Variants in ANKRD36 observed in about 807,000 individuals in gnomAD.
ANKRD36 encodes ankyrin repeat domain-containing protein 36A.
A neutral mutation model predicts 278.1 loss-of-function variants in ANKRD36; 179 were observed. The ratio of observed to expected loss-of-function variants is 0.64; its 90% CI spans 0.57 to 0.73. ANKRD36 has a LOEUF of 0.73. Among genes scored for constraint, ANKRD36 ranks in the 30% least tolerant of loss-of-function variants. The pLI is 0.00. For missense variants in ANKRD36, 1,159 were observed against 1,956.7 expected (o/e 0.59, Z 7.69); for synonymous variants, 320 against 641.1 (o/e 0.50, Z 7.57).
chr2:97,192,916 G>C, intron 37 of ANKRD36, 30 bp downstream of exon 37: 2 of 1,601,460 alleles, frequency 1.2e-6, no homozygotes, highest in Non-Finnish European at 1.7e-6. Flanking sequence ...TATTGTGAAT[G>C]AGTTAAGGTA....
At chr2:97,232,011 C>T (rs1291364422) in intron 67 of ANKRD36, among the ~76,000 whole-genome samples, 1 of 151,864 alleles carries the variant, frequency 6.6e-6, no homozygotes, top group Non-Finnish European at 1.5e-5. Context: ...TTAGTCCAAA[C>T]AAACAGTGAC....
rs565099968 is a variant in ANKRD36, at chr2:97,175,574, A to G, written c.1634-4164A>G. ...ATTTTGTTGATCCTTTCAAAAAACC[A>G]GCTCCTGGATTCATTAATTTTTTGA... On this transcript the variant is annotated intron_variant, in intron 22 of 75. Transcript: ENST00000420699. Among the ~76,000 whole-genome samples, 28 of 151,936 alleles carry G rather than the reference A, an allele frequency of 1.8e-4. No homozygotes were observed. The Middle Eastern group carries it at 0.014, about 74-fold the overall frequency.
chr2:97,174,027 T>G (rs1257973936), intron 22 of ANKRD36, among the ~76,000 whole-genome samples: 1 of 151,440 alleles, frequency 6.6e-6, no homozygotes, highest in Non-Finnish European at 1.5e-5. Context: ...CCAATAATCA[T>G]GACAATCATG....
At chr2:97,181,253 A>G (rs548915402) in intron 24 of ANKRD36, among the ~76,000 whole-genome samples, 27 of 151,788 alleles carry the variant, frequency 1.8e-4, no homozygotes, top group African/African-American at 5.5e-4. Context: ...GAGGGATCAT[A>G]TACCACCTGC....
chr2:97,197,532 C>G (rs1455005291), intron 42 of ANKRD36, among the ~76,000 whole-genome samples: 1 of 151,970 alleles, frequency 6.6e-6, no homozygotes, highest in Non-Finnish European at 1.5e-5. Context: ...CATTAGTTTC[C>G]TTGTTCAAGG....
chr2:97,149,795 C>T (rs1351264581), intron 12 of ANKRD36, among the ~76,000 whole-genome samples: 1 of 151,680 alleles, frequency 6.6e-6, no homozygotes, highest in African/African-American at 2.4e-5. Flanking sequence ...CACTCTGTTA[C>T]ACATAGCATA....
At chr2:97,195,878 G>T (rs2059615891) in intron 40 of ANKRD36, among the ~76,000 whole-genome samples, 1 of 151,910 alleles carries the variant, frequency 6.6e-6, no homozygotes, top group Admixed American at 6.6e-5. Context: ...GTAGAAATAT[G>T]TCAAAATTGA....
intron 40 of ANKRD36, among the ~76,000 whole-genome samples, chr2:97,196,202 C>G (rs1354594058): frequency 6.6e-6 from 1 of 151,964 alleles, no homozygotes; most frequent in East Asian, 1.9e-4. Context: ...GGTGTAAATC[C>G]TTTTGATTTG....
chr2:97,187,797 G>T (rs1194449408), intron 32 of ANKRD36, among the ~76,000 whole-genome samples: 1 of 151,752 alleles, frequency 6.6e-6, no homozygotes, highest in Non-Finnish European at 1.5e-5. Flanking sequence ...AAAACTGATA[G>T]TAATAACCCA....
intron 67 of ANKRD36, among the ~76,000 whole-genome samples, chr2:97,228,257 A>T (rs1455279569): frequency 5.9e-5 from 9 of 152,062 alleles, no homozygotes; most frequent in Non-Finnish European, 1.0e-4. Flanking sequence ...CTGTGAATCC[A>T]TCTGGTCCTG....
intron 46 of ANKRD36, among the ~76,000 whole-genome samples, chr2:97,201,197 C>G (rs1305095644): frequency 2.0e-5 from 3 of 151,888 alleles, no homozygotes; most frequent in Non-Finnish European, 2.9e-5. Flanking sequence ...TACTACTAGG[C>G]ATCAGAGATA....
chr2:97,148,359 A>G (rs2044886892), intron 11 of ANKRD36, among the ~76,000 whole-genome samples: 1 of 152,424 alleles, frequency 6.6e-6, no homozygotes, highest in South Asian at 2.1e-4. Context: ...CTTTTGAGAA[A>G]TCTGGGCTTT....
chr2:97,151,322 TTCTG>T (rs2045914696), intron 12 of ANKRD36, among the ~76,000 whole-genome samples: 1 of 151,898 alleles, frequency 6.6e-6, no homozygotes, highest in Admixed American at 6.6e-5. Flanking sequence ...GATTGCTTTT[TTCTG>T]TCTTTTTTGG....
chr2:97,147,754 G>A (rs376165841), intron 11 of ANKRD36, among the ~76,000 whole-genome samples: 6 of 151,950 alleles, frequency 3.9e-5, no homozygotes, highest in East Asian at 3.9e-4. Flanking sequence ...TTTGCAGGGG[G>A]CAGCCAAATT....
intron 34 of ANKRD36, among the ~76,000 whole-genome samples, chr2:97,190,665 C>G (rs2058328494): frequency 6.6e-6 from 1 of 151,374 alleles, no homozygotes; most frequent in Non-Finnish European, 1.5e-5. Flanking sequence ...ATGAGTTGCT[C>G]CTCTGATTTT....
At chr2:97,139,209 G>T (rs2042254069) in intron 6 of ANKRD36, among the ~76,000 whole-genome samples, 1 of 151,960 alleles carries the variant, frequency 6.6e-6, no homozygotes, top group African/African-American at 2.4e-5. Context: ...TAGCCTTTAA[G>T]ACAGTCATTC....
Position 97,184,686 on chromosome 2 carries a change from A to T in ANKRD36, c.1940-630A>T, listed in dbSNP as rs562063725. The stretch of plus-strand genomic sequence containing the variant: ...CTGCCATTAGTGGATGAAGAAAATT[A>T]CTGAAGGCTAAACTAGAGGATACAA... On this transcript the variant is annotated intron_variant, in intron 28 of 75. Transcript: ENST00000420699. Among the ~76,000 whole-genome samples the T allele has an allele frequency of 2.3e-3, 355 of 151,858 alleles. 5 individuals carry two copies. The highest frequency in any genetic ancestry group is 8.2e-3 in the African/African-American group (340 of 41,452).
intron 22 of ANKRD36, among the ~76,000 whole-genome samples, chr2:97,172,831 A>ATGTGTGTGTG (rs368506104): frequency 6.8e-6 from 1 of 146,392 alleles, no homozygotes; most frequent in Non-Finnish European, 1.5e-5. Flanking sequence ...TTGTGTGTGA[A>ATGTGTGTGTG]TGTGTGTGTG....
chr2:97,197,603 C>G (rs865980056), intron 42 of ANKRD36, among the ~76,000 whole-genome samples: 2 of 151,876 alleles, frequency 1.3e-5, no homozygotes, highest in Non-Finnish European at 2.9e-5. Context: ...ACATGATACT[C>G]CCAACAAGCC....
Sources: allele counts gnomAD v4.1 joint callset (sites outside exome capture counted in the v4.1 genomes callset), GRCh38; gene constraint gnomAD v4.1.1; transcripts MANE v1.5; gene names NCBI Gene and HGNC (gene_info 2026-07-23, HGNC 2026-07-21).